Variants in PAQR8 observed in about 807,000 individuals in gnomAD.
PAQR8 encodes the protein membrane progestin receptor beta.
A neutral mutation model predicts 25.2 loss-of-function variants in PAQR8; 17 were observed. That is an observed-to-expected ratio of 0.67 (90% CI 0.46 to 1.01). PAQR8 has a LOEUF of 1.01. Ranked by LOEUF, PAQR8 falls within the 50% of genes least tolerant of loss-of-function variation. The probability of loss-of-function intolerance (pLI) is 0.00; values close to 1 mark genes in which losing one functional copy is unlikely to be tolerated. For synonymous variants in PAQR8, 204 were observed against 190.6 expected (o/e 1.07, Z -0.58); for missense variants, 392 against 448.4 (o/e 0.87, Z 1.14).
intron 1 of PAQR8, chr6:52,373,593 C>T (rs976278723): frequency 2.6e-5 from 4 of 152,236 alleles, no homozygotes; most frequent in African/African-American, 9.7e-5. Flanking sequence ...GAAATGTTCT[C>T]CTCACCTGGG....
chr6:52,366,033 A>G (rs530776513), intron 1 of PAQR8, among the ~76,000 whole-genome samples: 9 of 152,286 alleles, frequency 5.9e-5, no homozygotes, highest in African/African-American at 2.2e-4. Context: ...TCTGGTAAAC[A>G]TTCCCTTCAT....
intron 1 of PAQR8, among the ~76,000 whole-genome samples, chr6:52,369,345 G>T: frequency 6.6e-6 from 1 of 152,078 alleles, no homozygotes; most frequent in East Asian, 1.9e-4. Context: ...TGTTGATTTT[G>T]AGACACAGCT....
At position 52,362,542 on chromosome 6, in the gene PAQR8, C is replaced by T. The variant is rs1763302991; in HGVS notation, c.-53+293C>T. The T allele has an allele frequency of 6.5e-6, 1 of 152,976 alleles. No individual in the cohort carries two copies. The highest frequency in any genetic ancestry group is 2.4e-5 in the African/African-American group (1 of 41,430). The allele number at this position is 152,976 out of a possible 1,614,324, so 9.5% of individuals were successfully genotyped here. ...CTCTGAACGGCTGTAGTGGGGTGGC[C>T]AGGACTGCGATGCTGGGGAGTCATG... On this transcript the variant is annotated intron_variant, in intron 1 of 1. Transcript: ENST00000442253. This position sits in a 1 kb window ranked among gnomAD's most constrained non-coding sequence, Gnocchi z 4.1.
chr6:52,402,148 G>C (rs1035447141), intron 1 of PAQR8, among the ~76,000 whole-genome samples: 3 of 152,162 alleles, frequency 2.0e-5, no homozygotes, highest in Non-Finnish European at 4.4e-5. Context: ...AAGATCATTT[G>C]AGGTTAGAAG....
At chr6:52,383,941 T>C (rs1395343086) in intron 1 of PAQR8, among the ~76,000 whole-genome samples, 2 of 152,058 alleles carry the variant, frequency 1.3e-5, no homozygotes, top group African/African-American at 2.4e-5. Context: ...AGGCCAGAGA[T>C]TGGATGATCC....
At position 52,362,676 on chromosome 6, in the gene PAQR8, A is replaced by G. The variant is rs547998322; in HGVS notation, c.-53+427A>G. ...AAGACGTGGGGGAGTCCGACAGGGC[A>G]GAACGAGGGGCGTCCTGTCCGCATT... On this transcript the variant is annotated intron_variant, in intron 1 of 1. Transcript: ENST00000442253. The surrounding 1 kb of genome is among the most constrained non-coding windows in gnomAD (Gnocchi z 4.1). Among the ~76,000 whole-genome samples the G allele has an allele frequency of 8.8e-4, 134 of 152,300 alleles. No individual in the cohort carries two copies. Among genetic ancestry groups the G allele is most frequent in the African/African-American group, 3.1e-3 (130 of 41,570 alleles).
chr6:52,398,186 A>ATTTTTCTTTTCT (rs1352599388), intron 1 of PAQR8, among the ~76,000 whole-genome samples: 7 of 141,920 alleles, frequency 4.9e-5, no homozygotes, highest in Non-Finnish European at 1.1e-4. Flanking sequence ...CAAGTTTAGA[A>ATTTTTCTTTTCT]TTTTTCTTTT....
intron 1 of PAQR8, among the ~76,000 whole-genome samples, chr6:52,400,269 G>C (rs1397698634): frequency 6.6e-6 from 1 of 152,120 alleles, no homozygotes; most frequent in African/African-American, 2.4e-5. Flanking sequence ...AGGTATGGAG[G>C]GGACATTAGG....
At chr6:52,391,573 T>C (rs1439545848) in intron 1 of PAQR8, among the ~76,000 whole-genome samples, 1 of 152,182 alleles carries the variant, frequency 6.6e-6, no homozygotes, top group African/African-American at 2.4e-5. Context: ...TTGGAAGATG[T>C]AGCTATAAAG....
At chr6:52,379,717 C>T (rs1323189634) in intron 1 of PAQR8, among the ~76,000 whole-genome samples, 1 of 150,956 alleles carries the variant, frequency 6.6e-6, no homozygotes, top group Non-Finnish European at 1.5e-5. Flanking sequence ...AGCTCCGCCT[C>T]CCGGGTTCAC....
chr6:52,388,940 A>G (rs74361410), intron 1 of PAQR8, among the ~76,000 whole-genome samples: 23 of 152,332 alleles, frequency 1.5e-4, no homozygotes, highest in African/African-American at 5.1e-4. Context: ...TGTTCAGGCA[A>G]TCAGGACAGT....
intron 1 of PAQR8, among the ~76,000 whole-genome samples, chr6:52,366,138 G>T (rs949742793): frequency 6.6e-6 from 1 of 151,370 alleles, no homozygotes; most frequent in African/African-American, 2.4e-5. Flanking sequence ...GTCAACACTA[G>T]TTTTTTTTCA....
intron 1 of PAQR8, among the ~76,000 whole-genome samples, chr6:52,384,429 G>C (rs1176305598): frequency 6.6e-6 from 1 of 152,154 alleles, no homozygotes; most frequent in Non-Finnish European, 1.5e-5. Context: ...TTAGGGCAGA[G>C]TGAAATGGCT....
At chr6:52,365,791 C>T (rs1763344826) in intron 1 of PAQR8, among the ~76,000 whole-genome samples, 1 of 152,022 alleles carries the variant, frequency 6.6e-6, no homozygotes, top group Non-Finnish European at 1.5e-5. Flanking sequence ...AATACAGACT[C>T]CAAATAAGTG....
At chr6:52,375,829 G>A (rs954938839) in intron 1 of PAQR8, among the ~76,000 whole-genome samples, 2 of 152,204 alleles carry the variant, frequency 1.3e-5, no homozygotes, top group Non-Finnish European at 2.9e-5. Context: ...TGGCTGGGAT[G>A]CTTTAAACAC....
intron 1 of PAQR8, among the ~76,000 whole-genome samples, chr6:52,379,049 A>G (rs1221532091): frequency 2.0e-5 from 3 of 148,024 alleles, no homozygotes; most frequent in Non-Finnish European, 4.5e-5. Context: ...GTGAGCCAAG[A>G]TCGTGCCACT....
Position 52,372,273 on chromosome 6 carries a change from T to C in PAQR8, c.-53+10024T>C, listed in dbSNP as rs539656199. 1.1e-4 allele frequency among the ~76,000 whole-genome samples: 17 copies of C among 152,360 alleles called. No homozygotes were observed. In the East Asian group the frequency reaches 2.7e-3, roughly 24 times the overall value. On this transcript the variant is annotated intron_variant, in intron 1 of 1. Coordinates refer to ENST00000442253, the MANE Select transcript of PAQR8 (RefSeq NM_133367.5). The stretch of plus-strand genomic sequence containing the variant: ...TAAAGCTGACTCGGAACTCTGATTC[T>C]GTATATCTGTAAAAGATCTAGGTAA...
chr6:52,379,712 C>T (rs543964748), intron 1 of PAQR8, among the ~76,000 whole-genome samples: 15 of 150,952 alleles, frequency 9.9e-5, no homozygotes, highest in Non-Finnish European at 2.1e-4. Context: ...CTGCGAGCTC[C>T]GCCTCCCGGG....
intron 1 of PAQR8, among the ~76,000 whole-genome samples, chr6:52,401,951 C>T (rs1763834852): frequency 6.6e-6 from 1 of 152,170 alleles, no homozygotes; most frequent in African/African-American, 2.4e-5. Flanking sequence ...GGTTACCTTA[C>T]TTATAATTAA....
Sources: allele counts gnomAD v4.1 joint callset (sites outside exome capture counted in the v4.1 genomes callset), GRCh38; gene constraint gnomAD v4.1.1; non-coding constraint Gnocchi (gnomAD v3.1); transcripts MANE v1.5; gene names NCBI Gene and HGNC (gene_info 2026-07-23, HGNC 2026-07-21).